Variants in SMG7 observed in about 807,000 individuals in gnomAD.
SMG7 encodes SMG7 nonsense mediated mRNA decay factor.
SMG7 carries 34 observed loss-of-function variants against 148.2 expected under a neutral mutation model. The ratio of observed to expected loss-of-function variants is 0.23; its 90% confidence interval spans 0.17 to 0.31. SMG7 has a LOEUF of 0.31. Among genes scored for constraint, SMG7 ranks in the 10% least tolerant of loss-of-function variants. The pLI is 1.00. For missense variants in SMG7, 1,114 were observed against 1,408.4 expected (o/e 0.79, Z 3.35); for synonymous variants, 492 against 515.1 (o/e 0.96, Z 0.61).
intron 1 of SMG7, among the ~76,000 whole-genome samples, chr1:183,507,616 A>G (rs893857916): frequency 6.6e-5 from 10 of 152,292 alleles, no homozygotes; most frequent in African/African-American, 2.4e-4. Flanking sequence ...TCTTAGAACA[A>G]TGGCAATAGT....
intron 1 of SMG7, among the ~76,000 whole-genome samples, chr1:183,497,173 G>T (rs989023445): frequency 6.6e-6 from 1 of 152,138 alleles, no homozygotes; most frequent in Admixed American, 6.5e-5. Context: ...ATTTTGCTTG[G>T]TGGTTTCTCA....
At chr1:183,483,340 A>G (rs2102101508) in intron 1 of SMG7, among the ~76,000 whole-genome samples, 1 of 152,250 alleles carries the variant, frequency 6.6e-6, no homozygotes, top group African/African-American at 2.4e-5. Context: ...GTTACGAATT[A>G]TTTACTTTTG....
Position 183,549,115 on chromosome 1 carries a change from G to A in SMG7, c.2893-93G>A, listed in dbSNP as rs1204424753. ...AATTGTACTCAGTGGGCGAATACAG[G>A]CATGCTTTTGCTTTGGTTCCATAGT... is the stretch of plus-strand genomic sequence containing the variant. On this transcript the variant is annotated intron_variant, in intron 18 of 22. Transcript: ENST00000688051. 5 of 891,338 alleles carry A rather than the reference G, an allele frequency of 5.6e-6. No homozygotes were observed. The African/African-American group carries it at 6.6e-5, about 12-fold the overall frequency. 55.2% of individuals were successfully genotyped at this position (891,338 alleles called of 1,614,324 possible).
At position 183,551,113 on chromosome 1, in the gene SMG7, A is replaced by G. The variant is rs1260432896; in HGVS notation, c.3373A>G (p.Ser1125Gly). The G allele has an allele frequency of 6.2e-7, 1 of 1,610,760 alleles. No individual in the cohort carries two copies. The highest frequency in any genetic ancestry group is 8.5e-7 in the Non-Finnish European group (1 of 1,179,200). ...CTCTGAGAGCAGTTGGCATCAGGCC[A>G]GCACTCCGAGTGGCACCTGGACAGG... is the stretch of plus-strand genomic sequence containing the variant. ...SSSESSWHQA[S>G]TPSGTWTGHG... is the part of the protein sequence containing the mutation. The change falls in exon 22 of 23, where the codon AGC becomes GGC. Residue 1125 changes from serine (S) to glycine (G), a missense_variant. Ser to Gly is a moderately conservative substitution (Grantham distance 56). Around this residue, in one of 4 missense-constraint regions of SMG7, gnomAD observed 788 missense variants for 894.5 expected, o/e 0.88. Coordinates refer to ENST00000688051, the MANE Select transcript of SMG7 (RefSeq NM_001375584.1).
intron 4 of SMG7, among the ~76,000 whole-genome samples, chr1:183,520,601 C>G (rs1031765624): frequency 3.9e-5 from 6 of 151,950 alleles, no homozygotes; most frequent in African/African-American, 1.5e-4. Context: ...GCAGCTGGCT[C>G]TGTTGGGGGG....
At chr1:183,533,958 C>T (rs988366692) in intron 10 of SMG7, 126 bp downstream of exon 10, 3 of 727,188 alleles carry the variant, frequency 4.1e-6, no homozygotes, top group Admixed American at 5.9e-5. Context: ...TGCCGACTCT[C>T]GGGAATTGAA....
At chr1:183,536,138 A>C (rs1306991748) in intron 10 of SMG7, among the ~76,000 whole-genome samples, 1 of 152,048 alleles carries the variant, frequency 6.6e-6, no homozygotes, top group Non-Finnish European at 1.5e-5. Context: ...TTTTTAATAA[A>C]AATTGGTTGA....
At chr1:183,537,080 G>A in intron 10 of SMG7, 65 bp from the exon 11 acceptor site, 1 of 1,121,346 alleles carries the variant, frequency 8.9e-7, no homozygotes, top group Non-Finnish European at 1.4e-6. Flanking sequence ...CCATTTTCAT[G>A]GCTTATTAGT....
chr1:183,489,501 G>A (rs1037510872), intron 1 of SMG7, among the ~76,000 whole-genome samples: 4 of 152,052 alleles, frequency 2.6e-5, no homozygotes. Context: ...TTGATTCATC[G>A]ATGATATTGA....
chr1:183,534,956 T>A (rs1234562000), intron 10 of SMG7, among the ~76,000 whole-genome samples: 1 of 152,194 alleles, frequency 6.6e-6, no homozygotes, highest in Non-Finnish European at 1.5e-5. Context: ...GAATAGAGTT[T>A]AGGAACATAG....
chr1:183,477,545 T>C (rs935419511), intron 1 of SMG7, among the ~76,000 whole-genome samples: 10 of 149,148 alleles, frequency 6.7e-5, no homozygotes, highest in African/African-American at 2.0e-4. Flanking sequence ...TATATATGCA[T>C]ATATACGTGT....
intron 1 of SMG7, among the ~76,000 whole-genome samples, chr1:183,504,629 G>A (rs994675280): frequency 3.3e-5 from 5 of 152,252 alleles, no homozygotes; most frequent in African/African-American, 9.6e-5. Flanking sequence ...GTGAGCCACA[G>A]CACCTGGCCA....
At position 183,538,447 on chromosome 1, in the gene SMG7, G is replaced by GAT; in HGVS notation, c.1295+9_1295+10dup. ...CATTGAGACCTTCTTTCAGGTAGGT[G>GAT]ATAGCTGAAGTACCTTTATCATTGC... On this transcript the variant is annotated splice_region_variant and intron_variant, in intron 12 of 22. Coordinates refer to ENST00000688051, the MANE Select transcript of SMG7 (RefSeq NM_001375584.1). The GAT allele has an allele frequency of 6.3e-7, 1 of 1,578,492 alleles. No homozygotes were observed. Among genetic ancestry groups the GAT allele is most frequent in the Non-Finnish European group, 8.7e-7 (1 of 1,147,452 alleles).
At chr1:183,485,071 T>C (rs1195824461) in intron 1 of SMG7, among the ~76,000 whole-genome samples, 1 of 152,186 alleles carries the variant, frequency 6.6e-6, no homozygotes, top group Non-Finnish European at 1.5e-5. Flanking sequence ...CCAAATATTG[T>C]GTGTTTATTA....
rs114383104 is a variant in SMG7, at chr1:183,515,195, C to A, written c.62-679C>A. On this transcript the variant is annotated intron_variant, in intron 2 of 22. Coordinates refer to ENST00000688051, the MANE Select transcript of SMG7 (RefSeq NM_001375584.1). Reference sequence around the variant, plus strand: ...CTACACCCAGTCTCTCATCTGACCTCTTTAGCAATTTAATCCTAGTCTTCT... The same window carrying A: ...CTACACCCAGTCTCTCATCTGACCTATTTAGCAATTTAATCCTAGTCTTCT... Among the ~76,000 whole-genome samples, 1,136 of 152,284 alleles carry A rather than the reference C, an allele frequency of 7.5e-3. 3 individuals are homozygous for A. The highest frequency in any genetic ancestry group is 0.013 in the Non-Finnish European group (851 of 68,016).
Position 183,518,836 on chromosome 1 carries a change from T to A in SMG7, c.312+1016T>A, listed in dbSNP as rs535690926. Among the ~76,000 whole-genome samples, 78 of 152,286 alleles carry A rather than the reference T, an allele frequency of 5.1e-4. No homozygotes were observed. The South Asian group carries it at 0.016, about 31-fold the overall frequency. On this transcript the variant is annotated intron_variant, in intron 4 of 22. Coordinates refer to ENST00000688051, the MANE Select transcript of SMG7 (RefSeq NM_001375584.1). Reference sequence around the variant, plus strand: ...TCTTATAATGAATGTTAAGACAGGGTTTTGAGAATCTTGCACTGAAAGAAA... The same window carrying A: ...TCTTATAATGAATGTTAAGACAGGGATTTGAGAATCTTGCACTGAAAGAAA...
chr1:183,545,876 C>T (rs1669837689), intron 16 of SMG7, 90 bp from the exon 17 acceptor site: 1 of 1,447,654 alleles, frequency 6.9e-7, no homozygotes, highest in Non-Finnish European at 9.3e-7. Context: ...GGTTGGAAAA[C>T]ACCCCAAGTT....
intron 1 of SMG7, among the ~76,000 whole-genome samples, chr1:183,498,542 A>G (rs1026721742): frequency 1.3e-5 from 2 of 152,282 alleles, no homozygotes; most frequent in African/African-American, 4.8e-5. Context: ...TCTTTTTCCA[A>G]CCTAATTTTT....
At chr1:183,472,770 C>G (rs989422313) in intron 1 of SMG7, 121 bp downstream of exon 1, 1 of 945,490 alleles carries the variant, frequency 1.1e-6, no homozygotes, top group African/African-American at 1.7e-5. Context: ...CCTCGCCGGG[C>G]AGGTCGGCGG....
Sources: allele counts gnomAD v4.1 joint callset (sites outside exome capture counted in the v4.1 genomes callset), GRCh38; gene constraint gnomAD v4.1.1; regional missense constraint gnomAD v4.1.1; transcripts MANE v1.5; gene names NCBI Gene and HGNC (gene_info 2026-07-23, HGNC 2026-07-21).